Variants in MERTK observed in about 807,000 individuals in gnomAD.
MERTK encodes the protein tyrosine-protein kinase Mer.
MERTK carries 69 observed loss-of-function variants against 99.3 expected under a neutral mutation model. That is an observed-to-expected ratio of 0.70 (90% CI 0.57 to 0.85). The LOEUF is 0.85. Ranked by LOEUF, MERTK falls within the 40% of genes least tolerant of loss-of-function variation. The pLI is 0.00. For synonymous variants in MERTK, 426 were observed against 467.6 expected (o/e 0.91, Z 1.15); for missense variants, 1,125 against 1,249.4 (o/e 0.90, Z 1.50).
intron 2 of MERTK, among the ~76,000 whole-genome samples, chr2:111,940,058 T>C (rs1317493601): frequency 6.6e-6 from 1 of 152,072 alleles, no homozygotes; most frequent in African/African-American, 2.4e-5. Context: ...ATGCCTCCTG[T>C]GGTCCAGCTC....
intron 4 of MERTK, among the ~76,000 whole-genome samples, chr2:111,950,281 G>A (rs1444113856): frequency 1.3e-5 from 2 of 152,148 alleles, no homozygotes; most frequent in Non-Finnish European, 2.9e-5. Context: ...TTGTATTAAT[G>A]TGTTAATTTG....
In MERTK at chr2:111,906,270, ATTCAGGGAC is replaced by A. The variant is rs1382461823; in HGVS notation, c.61+7475_61+7483del. On this transcript the variant is annotated intron_variant, in intron 1 of 18. Transcript: ENST00000295408. Reference sequence around the variant, plus strand: ...TCTTTGAGGATCTAGATACCTCAGCATTCAGGGACAGTAAACATCTTAGAACTTGCCTTA... The same window carrying A: ...TCTTTGAGGATCTAGATACCTCAGCAAGTAAACATCTTAGAACTTGCCTTA... 3.3e-5 allele frequency among the ~76,000 whole-genome samples: 5 copies of A among 152,318 alleles called. No individual in the cohort carries two copies. The East Asian group carries it at 9.6e-4, about 29-fold the overall frequency.
Position 112,003,195 on chromosome 2 carries a change from AT to A in MERTK, c.1786+11del. 1.6e-6 allele frequency: 2 copies of A among 1,289,638 alleles called. No homozygotes were observed. The highest frequency in any genetic ancestry group is 2.3e-6 in the Non-Finnish European group (2 of 884,670). 79.9% of individuals were successfully genotyped at this position (1,289,638 alleles called of 1,614,324 possible). On this transcript the variant is annotated intron_variant, in intron 12 of 18. Coordinates refer to ENST00000295408, the MANE Select transcript of MERTK (RefSeq NM_006343.3). Reference sequence around the variant, plus strand: ...GAAAAATTCTGGGTGAAGGTAAGCAATTTAAAGTAATTCTTTTAAAATGTGG... The same window carrying A: ...GAAAAATTCTGGGTGAAGGTAAGCAATTAAAGTAATTCTTTTAAAATGTGG...
At chr2:111,976,935 A>G (rs1607059) in intron 7 of MERTK, among the ~76,000 whole-genome samples, 93,953 of 151,826 alleles carry the variant, frequency 0.62, 29,446 homozygotes, top group Middle Eastern at 0.69. Flanking sequence ...CATTTCACAT[A>G]TATTCCATTT....
chr2:111,967,616 A>T (rs1685382447), intron 5 of MERTK, among the ~76,000 whole-genome samples: 1 of 151,836 alleles, frequency 6.6e-6, no homozygotes, highest in African/African-American at 2.4e-5. Context: ...CGGCCTGGAA[A>T]GCTCCCCCTA....
intron 2 of MERTK, among the ~76,000 whole-genome samples, chr2:111,930,926 T>A (rs1268029787): frequency 6.6e-6 from 1 of 152,176 alleles, no homozygotes; most frequent in African/African-American, 2.4e-5. Flanking sequence ...AGTTTTAGAA[T>A]TGGGTTGGCC....
At chr2:111,977,854 A>G (rs538159184) in intron 7 of MERTK, among the ~76,000 whole-genome samples, 1 of 152,052 alleles carries the variant, frequency 6.6e-6, no homozygotes, top group East Asian at 1.9e-4. Context: ...TCCAGTTTAT[A>G]TTTCATCTCA....
chr2:111,909,113 C>CA (rs1684193635), intron 1 of MERTK, among the ~76,000 whole-genome samples: 2 of 151,942 alleles, frequency 1.3e-5, no homozygotes, highest in African/African-American at 2.4e-5. Flanking sequence ...GTCAAAAAGG[C>CA]AAAAAATAAC....
chr2:111,919,198 C>T (rs946771040), intron 1 of MERTK, among the ~76,000 whole-genome samples: 2 of 152,180 alleles, frequency 1.3e-5, no homozygotes, highest in Non-Finnish European at 2.9e-5. Context: ...CCTGGGCCCT[C>T]TGCATGAGGA....
chr2:111,919,824 A>T (rs1684421524), intron 1 of MERTK, among the ~76,000 whole-genome samples: 1 of 149,046 alleles, frequency 6.7e-6, no homozygotes, highest in East Asian at 2.0e-4. Flanking sequence ...TTTGAGCCAA[A>T]AGGAATGTAT....
intron 8 of MERTK, among the ~76,000 whole-genome samples, chr2:111,984,902 C>A (rs1170301601): frequency 6.6e-6 from 1 of 152,206 alleles, no homozygotes; most frequent in Non-Finnish European, 1.5e-5. Context: ...GAATCATCCA[C>A]AATGTTTATT....
In MERTK at chr2:112,029,289, G is replaced by A. The variant is rs1221636266; in HGVS notation, c.*425G>A. 16 of 964,476 alleles carry A rather than the reference G, an allele frequency of 1.7e-5. No individual in the cohort carries two copies. Among genetic ancestry groups the A allele is most frequent in the Non-Finnish European group, 2.0e-5 (16 of 807,468 alleles). The allele number at this position is 964,476 out of a possible 1,614,324, so 59.7% of individuals were successfully genotyped here. A position where few individuals can be genotyped will look rare whatever the true frequency, so the allele number is the denominator to read the frequency against. ...CTTCTGGTCTTGATGTATTTGATAA[G>A]AATGATTCATTCAATGTTTAAAGTT... On this transcript the variant is annotated 3_prime_UTR_variant, in exon 19 of 19. Transcript: ENST00000295408.
At chr2:111,931,310 G>A (rs1014899929) in intron 2 of MERTK, among the ~76,000 whole-genome samples, 15 of 152,112 alleles carry the variant, frequency 9.9e-5, no homozygotes, top group Admixed American at 2.0e-4. Flanking sequence ...CTCGGCAGCC[G>A]TTCTCAGCCA....
chr2:111,993,311 TCAC>T (rs1676669515), intron 8 of MERTK, among the ~76,000 whole-genome samples: 1 of 152,150 alleles, frequency 6.6e-6, no homozygotes, highest in South Asian at 2.1e-4. Context: ...GTTCTATCCT[TCAC>T]CATTGCTAGG....
chr2:112,023,067 C>G (rs1677390269), intron 18 of MERTK, among the ~76,000 whole-genome samples: 1 of 151,962 alleles, frequency 6.6e-6, no homozygotes, highest in Admixed American at 6.6e-5. Flanking sequence ...CGTTTGAGCC[C>G]AGGAGTTTAA....
At chr2:111,927,712 T>C (rs1288901029) in intron 1 of MERTK, among the ~76,000 whole-genome samples, 1 of 152,184 alleles carries the variant, frequency 6.6e-6, no homozygotes, top group African/African-American at 2.4e-5. Flanking sequence ...AAATTCAAGC[T>C]TAACTGGGCA....
At chr2:111,965,554 G>A (rs183419269) in intron 5 of MERTK, among the ~76,000 whole-genome samples, 6 of 152,306 alleles carry the variant, frequency 3.9e-5, no homozygotes, top group African/African-American at 1.2e-4. Context: ...ACATTCACTC[G>A]TTTAGCTCTG....
intron 1 of MERTK, among the ~76,000 whole-genome samples, chr2:111,914,894 T>C (rs1000950439): frequency 3.9e-4 from 59 of 152,342 alleles, no homozygotes; most frequent in African/African-American, 1.4e-3. Context: ...AGAGCAATAC[T>C]AGCTTCATAA....
At chr2:111,944,325 A>AAAAT in intron 2 of MERTK, among the ~76,000 whole-genome samples, 1 of 151,100 alleles carries the variant, frequency 6.6e-6, no homozygotes, top group South Asian at 2.1e-4. Flanking sequence ...AAAAAAAAAA[A>AAAAT]ATCAAGACAA....
Sources: gnomAD v4.1 joint callset for allele counts (sites outside exome capture counted in the v4.1 genomes callset) on GRCh38, gnomAD v4.1.1 for gene constraint, MANE v1.5 for transcripts, NCBI Gene and HGNC (gene_info 2026-07-23, HGNC 2026-07-21) for gene names.